Variants in NCAM2 observed in about 807,000 individuals in gnomAD.
NCAM2 encodes the protein N-CAM-2.
In NCAM2, 30 loss-of-function variants were observed where a neutral mutation model predicts 98.1. The observed-to-expected ratio is 0.31, with a 90% CI of 0.23 to 0.41. The LOEUF is 0.41. Ranked by LOEUF, NCAM2 falls within the 10% of genes least tolerant of loss-of-function variation. The probability of loss-of-function intolerance (pLI) is 1.00; values close to 1 mark genes in which losing one functional copy is unlikely to be tolerated. For missense variants in NCAM2, 867 were observed against 1,005.8 expected (o/e 0.86, Z 1.87); for synonymous variants, 368 against 342.4 (o/e 1.07, Z -0.83).
rs1165852290 is a variant in NCAM2 at position 21,409,916 on chromosome 21, G to A, written c.1196-358G>A. Among the ~76,000 whole-genome samples the A allele has an allele frequency of 5.9e-5, 9 of 152,118 alleles. No individual in the cohort carries two copies. In the South Asian group the frequency reaches 8.3e-4, roughly 14 times the overall value. ...TCGAGGTCAGGAGATCGAGAATCACGAGGTCAGGAGATCGAGACCATCCTG... is the reference window on the plus strand; with the variant it reads ...TCGAGGTCAGGAGATCGAGAATCACAAGGTCAGGAGATCGAGACCATCCTG... On this transcript the variant is annotated intron_variant, in intron 9 of 17. Coordinates refer to ENST00000400546, the MANE Select transcript of NCAM2 (RefSeq NM_004540.5).
intron 9 of NCAM2, among the ~76,000 whole-genome samples, chr21:21,377,965 G>C (rs1240323631): frequency 6.6e-6 from 1 of 151,864 alleles, no homozygotes; most frequent in African/African-American, 2.4e-5. Flanking sequence ...TTATTTAACT[G>C]AACACCAGTG....
At chr21:21,535,535 TC>T (rs1989937285) in intron 17 of NCAM2, among the ~76,000 whole-genome samples, 1 of 152,036 alleles carries the variant, frequency 6.6e-6, no homozygotes, top group Non-Finnish European at 1.5e-5. Context: ...TTTCATAAAT[TC>T]CCTCTGTCTA....
At chr21:21,336,126 A>G (rs1050930000) in intron 7 of NCAM2, among the ~76,000 whole-genome samples, 2 of 152,164 alleles carry the variant, frequency 1.3e-5, no homozygotes, top group African/African-American at 2.4e-5. Context: ...ACCAAGAGCC[A>G]TATTATCTTA....
At chr21:21,178,687 A>G (rs2068374314) in intron 1 of NCAM2, among the ~76,000 whole-genome samples, 3 of 151,906 alleles carry the variant, frequency 2.0e-5, no homozygotes, top group South Asian at 4.1e-4. Flanking sequence ...ACCTTTACCT[A>G]TATTAAATTA....
chr21:21,057,808 CCT>C (rs755632265), intron 1 of NCAM2, among the ~76,000 whole-genome samples: 1 of 152,084 alleles, frequency 6.6e-6, no homozygotes, highest in Non-Finnish European at 1.5e-5. Flanking sequence ...AAGCTTCAGG[CCT>C]CTCTCTTTCC....
At chr21:21,099,137 A>G (rs1425271478) in intron 1 of NCAM2, among the ~76,000 whole-genome samples, 1 of 151,216 alleles carries the variant, frequency 6.6e-6, no homozygotes, top group Non-Finnish European at 1.5e-5. Flanking sequence ...ATGAAACAAA[A>G]TGAATGAGTC....
chr21:21,172,839 T>C (rs1040288097), intron 1 of NCAM2, among the ~76,000 whole-genome samples: 1 of 152,150 alleles, frequency 6.6e-6, no homozygotes, highest in Non-Finnish European at 1.5e-5. Context: ...TCTTCACATA[T>C]ACTTCTCAAC....
At chr21:21,460,876 C>T (rs938733685) in intron 12 of NCAM2, among the ~76,000 whole-genome samples, 1 of 151,412 alleles carries the variant, frequency 6.6e-6, no homozygotes, top group Non-Finnish European at 1.5e-5. Flanking sequence ...TCCGTCAGCA[C>T]AGAAGAGAGA....
At chr21:21,308,531 C>T (rs1045657876) in intron 5 of NCAM2, among the ~76,000 whole-genome samples, 3 of 151,970 alleles carry the variant, frequency 2.0e-5, no homozygotes, top group Non-Finnish European at 4.4e-5. Context: ...AACCAGTCAC[C>T]CCCAGATTCT....
At chr21:21,091,422 C>G (rs992208110) in intron 1 of NCAM2, among the ~76,000 whole-genome samples, 1 of 151,998 alleles carries the variant, frequency 6.6e-6, no homozygotes, top group African/African-American at 2.4e-5. Context: ...TTAATTGACA[C>G]ACAAAAATTG....
intron 1 of NCAM2, among the ~76,000 whole-genome samples, chr21:21,041,285 C>T (rs750149582): frequency 4.6e-5 from 7 of 152,058 alleles, no homozygotes; most frequent in East Asian, 1.9e-4. Flanking sequence ...GTCTTTTGGA[C>T]GGTGTTGACA....
In NCAM2 at chr21:21,361,557, T is replaced by C. The variant is rs1180260762; in HGVS notation, c.1045-12306T>C. On this transcript the variant is annotated intron_variant, in intron 8 of 17. Coordinates refer to ENST00000400546, the MANE Select transcript of NCAM2 (RefSeq NM_004540.5). The stretch of plus-strand genomic sequence containing the variant: ...ATAATTGGGCACCCTAGTCTGCCAT[T>C]TTTTCTTGGATTTCTCTAATGATGC... Among the ~76,000 whole-genome samples, 5 of 152,022 alleles carry C rather than the reference T, an allele frequency of 3.3e-5. No individual in the cohort carries two copies. The East Asian group carries it at 9.7e-4, about 29-fold the overall frequency.
chr21:21,350,437 G>A (rs897671694), intron 8 of NCAM2, among the ~76,000 whole-genome samples: 1 of 152,026 alleles, frequency 6.6e-6, no homozygotes, highest in Non-Finnish European at 1.5e-5. Context: ...TTCAAATAGT[G>A]ATAGAATTAT....
chr21:21,233,822 A>G (rs965662394), intron 1 of NCAM2, among the ~76,000 whole-genome samples: 13 of 151,806 alleles, frequency 8.6e-5, no homozygotes, highest in South Asian at 8.3e-4. Flanking sequence ...AAGAATATCA[A>G]TAAAAATTAC....
At position 21,521,830 on chromosome 21, in the gene NCAM2, CAGGG is replaced by C. The variant is rs200914089; in HGVS notation, c.2283-12704_2283-12701del. ...TATTGGTCATATTAAAAAACAAAGA[CAGGG>C]AGAAATAAACAGAAGAAATATTTGA... On this transcript the variant is annotated intron_variant, in intron 16 of 17. Coordinates refer to ENST00000400546, the MANE Select transcript of NCAM2 (RefSeq NM_004540.5). Among the ~76,000 whole-genome samples, 1,038 of 151,742 alleles carry C rather than the reference CAGGG, an allele frequency of 6.8e-3. 14 individuals carry two copies. The highest frequency in any genetic ancestry group is 0.023 in the African/African-American group (941 of 41,416).
chr21:21,451,333 G>A (rs146761805), intron 12 of NCAM2, among the ~76,000 whole-genome samples: 8 of 152,138 alleles, frequency 5.3e-5, no homozygotes, highest in East Asian at 1.9e-4. Context: ...CACATTGATC[G>A]TTTTATTCTT....
chr21:21,425,495 A>G (rs777713972), intron 11 of NCAM2, among the ~76,000 whole-genome samples: 5 of 152,148 alleles, frequency 3.3e-5, no homozygotes, highest in Non-Finnish European at 5.9e-5. Context: ...TTGTGAGAAG[A>G]GTCAAGACAT....
intron 1 of NCAM2, among the ~76,000 whole-genome samples, chr21:21,255,045 A>G (rs1327405716): frequency 1.3e-5 from 2 of 152,158 alleles, no homozygotes; most frequent in African/African-American, 4.8e-5. Context: ...TTGGGTGCCA[A>G]ATGATATCTT....
chr21:21,541,174 T>C lies in NCAM2; in HGVS notation c.*3217T>C, dbSNP rs928406277. 4 of 151,674 alleles carry C rather than the reference T, an allele frequency of 2.6e-5. No homozygotes were observed. The highest frequency in any genetic ancestry group is 9.7e-5 in the African/African-American group (4 of 41,414). 9.4% of individuals were successfully genotyped at this position (151,674 alleles called of 1,614,324 possible). On this transcript the variant is annotated 3_prime_UTR_variant, in exon 18 of 18. Transcript: ENST00000400546. ...AATTGTAACTTTATGATCATATCTTTGTTTATGCTTCTTATTTTAAATAAT... is the reference window on the plus strand; with the variant it reads ...AATTGTAACTTTATGATCATATCTTCGTTTATGCTTCTTATTTTAAATAAT...
Sources: allele counts gnomAD v4.1 joint callset (sites outside exome capture counted in the v4.1 genomes callset), GRCh38; gene constraint gnomAD v4.1.1; transcripts MANE v1.5; gene names NCBI Gene and HGNC (gene_info 2026-07-23, HGNC 2026-07-21).